The following TTC28 variants were observed in gnomAD, a reference collection of about 807,000 sequenced individuals.
The protein encoded by TTC28 is tetratricopeptide repeat protein 28.
TTC28 carries 61 observed loss-of-function variants against 198.0 expected under a neutral mutation model. The ratio of observed to expected loss-of-function variants is 0.31; its 90% CI spans 0.25 to 0.38. The LOEUF is 0.38. Ranked by LOEUF, TTC28 falls within the 10% of genes least tolerant of loss-of-function variation. The pLI is 1.00. For missense variants in TTC28, 2,678 were observed against 3,164.0 expected (o/e 0.85, Z 3.69); for synonymous variants, 1,171 against 1,297.8 (o/e 0.90, Z 2.10).
intron 17 of TTC28, among the ~76,000 whole-genome samples, chr22:27,995,630 ACT>A (rs1937537730): frequency 6.6e-6 from 1 of 151,906 alleles, no homozygotes; most frequent in Non-Finnish European, 1.5e-5. Context: ...GTAAAATAGG[ACT>A]CTGCGCCAAG....
chr22:28,247,124 T>C (rs1487196610), intron 5 of TTC28, among the ~76,000 whole-genome samples: 1 of 152,130 alleles, frequency 6.6e-6, no homozygotes, highest in Admixed American at 6.5e-5. Flanking sequence ...TTTTCATAAG[T>C]ATAAGCAATA....
At chr22:28,406,068 C>T (rs536703594) in intron 2 of TTC28, among the ~76,000 whole-genome samples, 8 of 152,314 alleles carry the variant, frequency 5.3e-5, no homozygotes, top group African/African-American at 1.7e-4. Context: ...AACCCTCCTG[C>T]GCTAAGCCCC....
intron 12 of TTC28, among the ~76,000 whole-genome samples, chr22:28,051,618 C>T (rs1266846796): frequency 6.6e-6 from 1 of 152,132 alleles, no homozygotes; most frequent in African/African-American, 2.4e-5. Context: ...TCTTTTTCTG[C>T]CACATTAACC....
At chr22:28,145,044 T>A (rs1046079243) in intron 6 of TTC28, among the ~76,000 whole-genome samples, 2 of 152,208 alleles carry the variant, frequency 1.3e-5, no homozygotes, top group African/African-American at 4.8e-5. Context: ...AGCCACACTT[T>A]CCATCAGTTC....
At chr22:28,336,690 C>T (rs1195400453) in intron 2 of TTC28, among the ~76,000 whole-genome samples, 2 of 151,954 alleles carry the variant, frequency 1.3e-5, no homozygotes, top group Admixed American at 6.6e-5. Context: ...GTGATATCCG[C>T]TTTATCATTT....
chr22:28,648,824 G>C lies in TTC28; in HGVS notation c.103-18994C>G, dbSNP rs145581633. On this transcript the variant is annotated intron_variant, in intron 1 of 22. Coordinates refer to ENST00000397906, the MANE Select transcript of TTC28 (RefSeq NM_001145418.2). The stretch of plus-strand genomic sequence containing the variant: ...GTTGGGAGGCTGAGACAGGAGAATT[G>C]CTGGAGCCTATGAGGCAGAGGTTGC... 5.4e-3 allele frequency among the ~76,000 whole-genome samples: 823 copies of C among 152,220 alleles called. 19 individuals are homozygous for C. Among genetic ancestry groups the C allele is most frequent in the Admixed American group, 0.037 (563 of 15,288 alleles).
chr22:27,998,161 C>A (rs777099848), intron 16 of TTC28: 8 of 254,430 alleles, frequency 3.1e-5, no homozygotes, highest in Admixed American at 2.5e-4. Context: ...GGGTAAGTAA[C>A]CTATCTCAGG....
chr22:28,634,743 C>G (rs1396962587), intron 1 of TTC28, among the ~76,000 whole-genome samples: 1 of 151,668 alleles, frequency 6.6e-6, no homozygotes, highest in Non-Finnish European at 1.5e-5. Context: ...CACCACCACA[C>G]CCAGCCAATT....
intron 2 of TTC28, among the ~76,000 whole-genome samples, chr22:28,550,593 T>A (rs536358449): frequency 1.3e-5 from 2 of 152,168 alleles, no homozygotes; most frequent in South Asian, 4.2e-4. Flanking sequence ...TAAAAAATTA[T>A]CTCCAATGTT....
At chr22:28,182,921 A>G (rs1190217031) in intron 5 of TTC28, among the ~76,000 whole-genome samples, 1 of 152,190 alleles carries the variant, frequency 6.6e-6, no homozygotes, top group Non-Finnish European at 1.5e-5. Context: ...TATTAAAAGT[A>G]TAGCTGTTTA....
chr22:28,421,977 GA>G (rs970158715), intron 2 of TTC28, among the ~76,000 whole-genome samples: 1 of 147,478 alleles, frequency 6.8e-6, no homozygotes, highest in Non-Finnish European at 1.5e-5. Flanking sequence ...ACCTAGTCAG[GA>G]AAAAAAAACA....
intron 13 of TTC28, among the ~76,000 whole-genome samples, chr22:28,017,429 G>A (rs1219083232): frequency 6.6e-6 from 1 of 152,256 alleles, no homozygotes; most frequent in Admixed American, 6.5e-5. Flanking sequence ...GACTCCCACT[G>A]CTGGTCGGGC....
At chr22:28,557,291 G>C (rs1368196397) in intron 2 of TTC28, among the ~76,000 whole-genome samples, 1 of 152,090 alleles carries the variant, frequency 6.6e-6, no homozygotes, top group Non-Finnish European at 1.5e-5. Context: ...CTGGGATTCT[G>C]ACTAGAGACT....
chr22:28,482,205 G>GTTTTT (rs1568971764), intron 2 of TTC28, among the ~76,000 whole-genome samples: 1 of 102,760 alleles, frequency 9.7e-6, no homozygotes, highest in African/African-American at 3.4e-5. Context: ...GTAATGGGCA[G>GTTTTT]TCTTTTTTTT....
chr22:28,037,394 T>C (rs1416793029), intron 12 of TTC28, among the ~76,000 whole-genome samples: 1 of 152,158 alleles, frequency 6.6e-6, no homozygotes, highest in East Asian at 1.9e-4. Flanking sequence ...ATCCAGCATA[T>C]AAACAGAACC....
chr22:28,224,181 G>A (rs965295476), intron 5 of TTC28, among the ~76,000 whole-genome samples: 1 of 152,154 alleles, frequency 6.6e-6, no homozygotes, highest in South Asian at 2.1e-4. Flanking sequence ...CATGTTAGCA[G>A]TGCTGAGGTG....
At chr22:28,646,513 T>C (rs1340949561) in intron 1 of TTC28, among the ~76,000 whole-genome samples, 1 of 152,180 alleles carries the variant, frequency 6.6e-6, no homozygotes, top group Non-Finnish European at 1.5e-5. Flanking sequence ...GCAATTTCTA[T>C]CAGGATACCA....
chr22:28,258,010 T>C (rs1931077739), intron 5 of TTC28, among the ~76,000 whole-genome samples: 1 of 151,820 alleles, frequency 6.6e-6, no homozygotes, highest in African/African-American at 2.4e-5. Flanking sequence ...CCCTAAAGAA[T>C]AAAATATTTG....
At chr22:28,649,638 G>A (rs1048874605) in intron 1 of TTC28, among the ~76,000 whole-genome samples, 26 of 152,250 alleles carry the variant, frequency 1.7e-4, no homozygotes, top group African/African-American at 6.0e-4. Flanking sequence ...TCTCTACAGT[G>A]TTCTCTTGAG....
Sources: allele counts gnomAD v4.1 joint callset (sites outside exome capture counted in the v4.1 genomes callset), GRCh38; gene constraint gnomAD v4.1.1; transcripts MANE v1.5; gene names NCBI Gene and HGNC (gene_info 2026-07-23, HGNC 2026-07-21).